ZBTB20: variants seen among roughly 807,000 people sequenced by gnomAD.
The protein encoded by ZBTB20 is zinc finger and BTB domain containing 20.
ZBTB20 carries 9 observed loss-of-function variants against 56.9 expected under a neutral mutation model. The ratio of observed to expected loss-of-function variants is 0.16; its 90% CI spans 0.10 to 0.28. The LOEUF is 0.28. Ranked by LOEUF, ZBTB20 falls within the 10% of genes least tolerant of loss-of-function variation. ZBTB20 has a pLI of 1.00. For missense variants in ZBTB20, 655 were observed against 1,003.0 expected (o/e 0.65, Z 4.69); for synonymous variants, 417 against 420.7 (o/e 0.99, Z 0.11).
intron 1 of ZBTB20, among the ~76,000 whole-genome samples, chr3:115,106,539 G>A (rs1390879892): frequency 6.6e-6 from 1 of 151,832 alleles, no homozygotes; most frequent in African/African-American, 2.4e-5. Context: ...GGCCAATTAG[G>A]CAATAATTCT....
chr3:114,367,204 C>G (rs2082499572), intron 10 of ZBTB20: 1 of 152,280 alleles, frequency 6.6e-6, no homozygotes, highest in Non-Finnish European at 1.5e-5. Context: ...ATGTACAGCT[C>G]CTACAATGTA....
intron 6 of ZBTB20, among the ~76,000 whole-genome samples, chr3:114,503,695 G>A (rs1203854509): frequency 2.6e-5 from 4 of 152,160 alleles, no homozygotes; most frequent in South Asian, 2.1e-4. Context: ...AATTCAGGAC[G>A]TTAAAATATC....
intron 6 of ZBTB20, among the ~76,000 whole-genome samples, chr3:114,517,216 T>C (rs946521046): frequency 3.9e-5 from 6 of 152,232 alleles, no homozygotes; most frequent in African/African-American, 7.2e-5. Flanking sequence ...GTATCTCCTA[T>C]GTGTCAGACA....
chr3:115,026,593 G>A (rs1047274901), intron 2 of ZBTB20, among the ~76,000 whole-genome samples: 2 of 150,530 alleles, frequency 1.3e-5, no homozygotes, highest in Admixed American at 6.7e-5. Context: ...TACTAAATGT[G>A]GTAATCCTTG....
At chr3:114,927,859 A>G (rs901054896) in intron 3 of ZBTB20, among the ~76,000 whole-genome samples, 4 of 152,198 alleles carry the variant, frequency 2.6e-5, no homozygotes, top group Non-Finnish European at 5.9e-5. Context: ...GCAAGGAAAA[A>G]ACTCTTATTT....
intron 3 of ZBTB20, 170 bp from the exon 4 acceptor site, chr3:114,900,512 T>TATATACACACAC (rs549497546): frequency 8.2e-5 from 12 of 145,740 alleles, no homozygotes; most frequent in East Asian, 6.0e-4. Context: ...TGAAAATATA[T>TATATACACACAC]ACACACACAC....
chr3:114,948,326 C>T (rs1241622956), intron 3 of ZBTB20, among the ~76,000 whole-genome samples: 1 of 145,158 alleles, frequency 6.9e-6, no homozygotes, highest in Non-Finnish European at 1.5e-5. Flanking sequence ...CTAGTGGATA[C>T]AGGAAATTTA....
At chr3:114,703,833 T>C (rs2063543493) in intron 5 of ZBTB20, among the ~76,000 whole-genome samples, 1 of 152,144 alleles carries the variant, frequency 6.6e-6, no homozygotes, top group Admixed American at 6.5e-5. Flanking sequence ...TTGTAGAAAA[T>C]ACTGTAGAAC....
chr3:114,820,897 T>C (rs2073202388), intron 4 of ZBTB20, among the ~76,000 whole-genome samples: 1 of 152,140 alleles, frequency 6.6e-6, no homozygotes, highest in Non-Finnish European at 1.5e-5. Flanking sequence ...AAAATTTACC[T>C]ACATTGCTAA....
chr3:114,934,092 C>T (rs1013433451), intron 3 of ZBTB20, among the ~76,000 whole-genome samples: 1 of 152,144 alleles, frequency 6.6e-6, no homozygotes, highest in African/African-American at 2.4e-5. Context: ...CCATTATGTA[C>T]TTGCCCTTTT....
Position 114,522,046 on chromosome 3 carries a change from GA to G in ZBTB20, c.-294-21656del, listed in dbSNP as rs899421404. 3.8e-4 allele frequency among the ~76,000 whole-genome samples: 57 copies of G among 151,766 alleles called. No homozygotes were observed. The Middle Eastern group carries it at 0.01, about 27-fold the overall frequency. ...AGGCAAAAAACAAACAAACAAAACCGAAAAAAACCTCACAATCATGGGGCTT... is the reference window on the plus strand; with the variant it reads ...AGGCAAAAAACAAACAAACAAAACCGAAAAAACCTCACAATCATGGGGCTT... On this transcript the variant is annotated intron_variant, in intron 6 of 11. Transcript: ENST00000675478.
At chr3:114,883,744 G>A (rs1342144185) in intron 4 of ZBTB20, among the ~76,000 whole-genome samples, 2 of 151,826 alleles carry the variant, frequency 1.3e-5, no homozygotes, top group Admixed American at 6.6e-5. Context: ...TCGTTATTCA[G>A]ATGACAAATT....
chr3:114,882,558 T>G (rs1015120595), intron 4 of ZBTB20, among the ~76,000 whole-genome samples: 3 of 152,052 alleles, frequency 2.0e-5, no homozygotes, highest in African/African-American at 2.4e-5. Flanking sequence ...TAAATACATT[T>G]TGTGACATCC....
chr3:115,039,864 C>G (rs1275476461), intron 2 of ZBTB20, among the ~76,000 whole-genome samples: 1 of 151,888 alleles, frequency 6.6e-6, no homozygotes, highest in Non-Finnish European at 1.5e-5. Context: ...TAAATTATGG[C>G]CATCTATTTT....
chr3:114,354,583 G>GT (rs1310151895), intron 10 of ZBTB20, among the ~76,000 whole-genome samples: 52 of 45,364 alleles, frequency 1.1e-3, no homozygotes, highest in South Asian at 5.5e-3. Context: ...GTTTTGTTTT[G>GT]TTTGTTTTTT....
At chr3:115,142,096 G>A (rs1020727305) in intron 1 of ZBTB20, among the ~76,000 whole-genome samples, 2 of 152,082 alleles carry the variant, frequency 1.3e-5, no homozygotes, top group African/African-American at 2.4e-5. Context: ...ATTAGCTTGT[G>A]TTTCTATGCT....
intron 3 of ZBTB20, among the ~76,000 whole-genome samples, chr3:114,961,691 A>T (rs1342450327): frequency 6.6e-6 from 1 of 152,146 alleles, no homozygotes; most frequent in Non-Finnish European, 1.5e-5. Flanking sequence ...CTATAATAAG[A>T]GCTTCCCAAA....
At chr3:114,812,964 G>A (rs2072660022) in intron 4 of ZBTB20, among the ~76,000 whole-genome samples, 1 of 152,232 alleles carries the variant, frequency 6.6e-6, no homozygotes, top group Admixed American at 6.5e-5. Context: ...GGTCCGTCTA[G>A]CCCACGCCCA....
intron 7 of ZBTB20, among the ~76,000 whole-genome samples, chr3:114,496,601 T>C (rs1056143700): frequency 3.3e-5 from 5 of 152,126 alleles, no homozygotes; most frequent in Admixed American, 1.3e-4. Flanking sequence ...ACATGAAACA[T>C]AAGCTGTTGA....
Sources: gnomAD v4.1 joint callset for allele counts (sites outside exome capture counted in the v4.1 genomes callset) on GRCh38, gnomAD v4.1.1 for gene constraint, MANE v1.5 for transcripts, NCBI Gene and HGNC (gene_info 2026-07-23, HGNC 2026-07-21) for gene names.